PTPRD: variants seen among roughly 807,000 people sequenced by gnomAD.
PTPRD encodes protein tyrosine phosphatase receptor type D.
Under a neutral mutation model 214.5 loss-of-function variants are expected in PTPRD, and 34 were observed. That is an observed-to-expected ratio of 0.16 (90% confidence interval 0.12 to 0.21). PTPRD has a LOEUF of 0.21. PTPRD is among the 10% of genes least tolerant of loss of function. The pLI is 1.00. For missense variants in PTPRD, 2,545 were observed against 2,398.7 expected, an observed-to-expected ratio of 1.06 and a Z score of -1.27; for synonymous variants, 1,128 against 845.7, an observed-to-expected ratio of 1.33 and a Z score of -5.79.
intron 7 of PTPRD, among the ~76,000 whole-genome samples, chr9:9,621,040 G>T (rs2095213809): frequency 6.6e-6 from 1 of 152,122 alleles, no homozygotes; most frequent in Non-Finnish European, 1.5e-5. Flanking sequence ...CTGGGCAGGG[G>T]TTAGTCTGCA....
At chr9:8,402,651 A>C (rs1336063866) in intron 36 of PTPRD, among the ~76,000 whole-genome samples, 1 of 151,496 alleles carries the variant, frequency 6.6e-6, no homozygotes, top group Non-Finnish European at 1.5e-5. Flanking sequence ...TTAGTTTTTC[A>C]TTTATTATGG....
At chr9:9,935,577 G>C (rs1315341010) in intron 5 of PTPRD, among the ~76,000 whole-genome samples, 2 of 151,686 alleles carry the variant, frequency 1.3e-5, no homozygotes, top group Non-Finnish European at 2.9e-5. Flanking sequence ...AAATAAAAGA[G>C]GATACAAACA....
At chr9:9,487,285 C>A (rs1375328078) in intron 8 of PTPRD, among the ~76,000 whole-genome samples, 1 of 151,806 alleles carries the variant, frequency 6.6e-6, no homozygotes, top group Non-Finnish European at 1.5e-5. Context: ...TGTTCAATTC[C>A]CACCTATGAG....
intron 5 of PTPRD, among the ~76,000 whole-genome samples, chr9:9,774,877 C>A (rs2098784223): frequency 6.6e-6 from 1 of 152,122 alleles, no homozygotes; most frequent in Non-Finnish European, 1.5e-5. Context: ...CATGATAGTA[C>A]CTCATAAATG....
At chr9:9,119,207 G>C (rs777452951) in intron 10 of PTPRD, among the ~76,000 whole-genome samples, 2 of 152,078 alleles carry the variant, frequency 1.3e-5, no homozygotes, top group African/African-American at 4.8e-5. Context: ...TCATTTTATA[G>C]GTTTACCATG....
At chr9:9,182,546 A>G (rs1431655190) in intron 10 of PTPRD, among the ~76,000 whole-genome samples, 1 of 152,064 alleles carries the variant, frequency 6.6e-6, no homozygotes, top group African/African-American at 2.4e-5. Context: ...ATCTCAGAGA[A>G]AGAATATGGG....
intron 3 of PTPRD, among the ~76,000 whole-genome samples, chr9:10,297,581 T>G (rs1408477084): frequency 1.5e-5 from 1 of 68,402 alleles, no homozygotes; most frequent in Non-Finnish European, 2.4e-5. Context: ...ATGAGTTGTG[T>G]TTTTTTTTTT....
At chr9:9,723,887 T>C (rs2098021401) in intron 7 of PTPRD, among the ~76,000 whole-genome samples, 1 of 152,056 alleles carries the variant, frequency 6.6e-6, no homozygotes, top group South Asian at 2.1e-4. Context: ...CTGAACTCAT[T>C]AGTTCTGATA....
At chr9:9,775,065 C>T (rs528971674) in intron 5 of PTPRD, among the ~76,000 whole-genome samples, 1 of 152,294 alleles carries the variant, frequency 6.6e-6, no homozygotes, top group South Asian at 2.1e-4. Flanking sequence ...TTTCTGAGAG[C>T]TAAACTTGAG....
chr9:9,716,178 T>G (rs1052536012), intron 7 of PTPRD, among the ~76,000 whole-genome samples: 2 of 152,332 alleles, frequency 1.3e-5, no homozygotes, highest in African/African-American at 4.8e-5. Context: ...ACAAAGGACA[T>G]GAACTCATCA....
intron 14 of PTPRD, among the ~76,000 whole-genome samples, chr9:8,578,819 AT>A (rs1306293096): frequency 6.6e-6 from 1 of 152,206 alleles, no homozygotes; most frequent in Non-Finnish European, 1.5e-5. Context: ...TTTGCTTACC[AT>A]TTTGATTAAA....
At chr9:9,604,610 A>G (rs2094019452) in intron 7 of PTPRD, among the ~76,000 whole-genome samples, 1 of 152,080 alleles carries the variant, frequency 6.6e-6, no homozygotes, top group Admixed American at 6.6e-5. Context: ...GCTGTGGTCC[A>G]GTCCAAAACT....
intron 10 of PTPRD, among the ~76,000 whole-genome samples, chr9:9,101,792 A>G (rs1456987332): frequency 6.6e-6 from 1 of 152,218 alleles, no homozygotes; most frequent in Non-Finnish European, 1.5e-5. Context: ...TTACTTTAAG[A>G]AAAGATGTGG....
intron 2 of PTPRD, among the ~76,000 whole-genome samples, chr9:10,508,114 C>T (rs189987683): frequency 3.9e-5 from 6 of 152,184 alleles, no homozygotes; most frequent in Admixed American, 2.6e-4. Context: ...AAGTAAACAA[C>T]CCCATCAAAA....
At position 10,016,532 on chromosome 9, in the gene PTPRD, G is replaced by T. The variant is rs186395060; in HGVS notation, c.-472+17186C>A. On this transcript the variant is annotated intron_variant, in intron 4 of 45. Transcript: ENST00000381196. ...AAAGAACAGAATAGTCTCAAAGCAT[G>T]TCTCTATAGGGTACTTATTAATTAT... Among the ~76,000 whole-genome samples the T allele has an allele frequency of 3.3e-5, 5 of 152,246 alleles. No homozygotes were observed. In the East Asian group the frequency reaches 9.6e-4, roughly 29 times the overall value.
chr9:9,883,216 G>C (rs1386982187), intron 5 of PTPRD, among the ~76,000 whole-genome samples: 1 of 152,108 alleles, frequency 6.6e-6, no homozygotes, highest in African/African-American at 2.4e-5. Context: ...ACACAAGAAA[G>C]ATAGGCCCCA....
chr9:8,772,470 G>A (rs2095273072), intron 11 of PTPRD, among the ~76,000 whole-genome samples: 1 of 151,732 alleles, frequency 6.6e-6, no homozygotes, highest in Non-Finnish European at 1.5e-5. Context: ...GCAAGATAGT[G>A]AGACCCCATC....
chr9:10,284,744 A>G (rs1017389449), intron 3 of PTPRD, among the ~76,000 whole-genome samples: 4 of 152,014 alleles, frequency 2.6e-5, no homozygotes, highest in Non-Finnish European at 5.9e-5. Context: ...TTGCAGTTGT[A>G]CAACTCATGA....
intron 3 of PTPRD, among the ~76,000 whole-genome samples, chr9:10,125,458 T>TATG (rs2098810553): frequency 2.4e-5 from 3 of 126,382 alleles, no homozygotes. Flanking sequence ...TTATTATTAT[T>TATG]ATTATTATTA....
Sources: gnomAD v4.1 joint callset for allele counts (sites outside exome capture counted in the v4.1 genomes callset) on GRCh38, gnomAD v4.1.1 for gene constraint, MANE v1.5 for transcripts, NCBI Gene and HGNC (gene_info 2026-07-23, HGNC 2026-07-21) for gene names.